ZNF536: variants seen among roughly 807,000 people sequenced by gnomAD.
The protein encoded by ZNF536 is zinc finger protein 536.
ZNF536 carries 13 observed loss-of-function variants against 84.5 expected under a neutral mutation model. The observed-to-expected ratio is 0.15, with a 90% confidence interval of 0.10 to 0.24. The LOEUF (loss-of-function observed/expected upper bound fraction) is 0.24, where lower values mean the gene tolerates loss of function less well. ZNF536 is among the 10% of genes least tolerant of loss of function. ZNF536 has a pLI of 1.00. For synonymous variants in ZNF536, 811 were observed against 742.5 expected, an observed-to-expected ratio of 1.09 and a Z score of -1.50; for missense variants, 1,536 against 1,747.5, an observed-to-expected ratio of 0.88 and a Z score of 2.16.
At chr19:30,557,065 C>T (rs947948074) in intron 4 of ZNF536, 92 bp from the exon 5 acceptor site, 62 of 1,361,770 alleles carry the variant, frequency 4.6e-5, no homozygotes, top group South Asian at 4.3e-4. Context: ...TTCCATTAAA[C>T]GATTAGGGGA....
intron 1 of ZNF536, among the ~76,000 whole-genome samples, chr19:30,257,206 C>G (rs962969427): frequency 6.6e-6 from 1 of 152,146 alleles, no homozygotes; most frequent in African/African-American, 2.4e-5. Flanking sequence ...TGAAATCTCC[C>G]TTTTGAAATT....
At chr19:30,712,786 A>C (rs775523998) in exon 2 of ZNF536, 13 of 152,214 alleles carry the variant, frequency 8.5e-5, no homozygotes, top group Non-Finnish European at 1.9e-4. Context: ...CTATGATCCT[A>C]GAGAAAGGAC....
intron 2 of ZNF536, among the ~76,000 whole-genome samples, chr19:30,330,934 G>A (rs1294460917): frequency 6.6e-6 from 1 of 152,072 alleles, no homozygotes; most frequent in Non-Finnish European, 1.5e-5. Context: ...AGGACTAGAG[G>A]TTTCAGTCCC....
intron 1 of ZNF536, among the ~76,000 whole-genome samples, chr19:30,629,672 A>ATG (rs1280944612): frequency 1.3e-5 from 2 of 152,240 alleles, no homozygotes; most frequent in African/African-American, 4.8e-5. Context: ...AAAGGGTGCT[A>ATG]TGACCTGTCC....
chr19:30,388,300 G>A (rs568937113), intron 1 of ZNF536, among the ~76,000 whole-genome samples: 1 of 152,280 alleles, frequency 6.6e-6, no homozygotes, highest in East Asian at 1.9e-4. Context: ...TGTTGAGGGA[G>A]GTCATGTGAC....
At chr19:30,494,082 A>C (rs2054618099) in intron 2 of ZNF536, among the ~76,000 whole-genome samples, 1 of 152,212 alleles carries the variant, frequency 6.6e-6, no homozygotes, top group African/African-American at 2.4e-5. Flanking sequence ...AATAATAATA[A>C]AACTTCCTTA....
intron 1 of ZNF536, among the ~76,000 whole-genome samples, chr19:30,572,844 C>T (rs2046600242): frequency 6.6e-6 from 1 of 152,118 alleles, no homozygotes; most frequent in African/African-American, 2.4e-5. Context: ...TGGAGAGAGA[C>T]TAGAGACAGT....
At chr19:30,261,297 CAAAAAA>C (rs66862950) in intron 1 of ZNF536, among the ~76,000 whole-genome samples, 1 of 23,574 alleles carries the variant, frequency 4.2e-5, no homozygotes, top group African/African-American at 1.5e-4. Flanking sequence ...GACTCCGTCT[CAAAAAA>C]AAAAAAAAAA....
intron 2 of ZNF536, among the ~76,000 whole-genome samples, chr19:30,461,277 C>T (rs1047054954): frequency 6.6e-6 from 1 of 152,170 alleles, no homozygotes; most frequent in Non-Finnish European, 1.5e-5. Context: ...TGTGACCTCA[C>T]GCCTTTTAAC....
chr19:30,275,027 G>A (rs929733624), intron 1 of ZNF536, among the ~76,000 whole-genome samples: 31 of 152,142 alleles, frequency 2.0e-4, no homozygotes, highest in African/African-American at 7.2e-4. Context: ...GGCCAGAATT[G>A]TCTTAGTTTT....
chr19:30,699,662 G>C (rs990373820), intron 1 of ZNF536, among the ~76,000 whole-genome samples: 1 of 152,140 alleles, frequency 6.6e-6, no homozygotes, highest in African/African-American at 2.4e-5. Context: ...TGGGCCTAGT[G>C]ATTCTTTATG....
chr19:30,436,949 T>C (rs115507266), intron 1 of ZNF536, among the ~76,000 whole-genome samples: 269 of 152,304 alleles, frequency 1.8e-3, no homozygotes, highest in African/African-American at 6.2e-3. Context: ...GCTTCCGAGG[T>C]AGCAGTTTCA....
chr19:30,475,323 A>G (rs899622401), intron 2 of ZNF536, among the ~76,000 whole-genome samples: 2 of 152,118 alleles, frequency 1.3e-5, no homozygotes, highest in East Asian at 3.9e-4. Context: ...TAACATAGCC[A>G]CTGGTCATGG....
intron 1 of ZNF536, among the ~76,000 whole-genome samples, chr19:30,617,333 C>CCTTTTTT (rs869192494): frequency 2.1e-4 from 8 of 37,714 alleles, no homozygotes; most frequent in Non-Finnish European, 4.1e-4. Flanking sequence ...GAATAGCTTA[C>CCTTTTTT]TTTTTTTTTT....
intron 1 of ZNF536, among the ~76,000 whole-genome samples, chr19:30,649,998 A>G (rs965861728): frequency 3.3e-5 from 5 of 152,216 alleles, no homozygotes; most frequent in Admixed American, 1.3e-4. Context: ...TCAACTGACC[A>G]GAAATTATTT....
intron 1 of ZNF536, among the ~76,000 whole-genome samples, chr19:30,585,121 A>AAAAAAG (rs983941602): frequency 1.3e-5 from 2 of 152,226 alleles, no homozygotes; most frequent in South Asian, 2.1e-4. Context: ...CACTCAAAAA[A>AAAAAAG]AAAAAGAAAA....
At chr19:30,344,710 G>A (rs757089489) in intron 2 of ZNF536, among the ~76,000 whole-genome samples, 6 of 152,086 alleles carry the variant, frequency 3.9e-5, no homozygotes, top group South Asian at 4.2e-4. Context: ...TGGTGGCCTC[G>A]GGGATTCAGG....
In ZNF536 at chr19:30,360,102, G is replaced by A. The variant is rs2048226612; in HGVS notation, c.-3+7618G>A. Among the ~76,000 whole-genome samples the A allele has an allele frequency of 1.3e-5, 2 of 152,210 alleles. 1 individual carries two copies. The highest frequency in any genetic ancestry group is 4.1e-4 in the South Asian group (2 of 4,828). On this transcript the variant is annotated intron_variant, in intron 3 of 5. Transcript: ENST00000585628. ...AAGCAGGTGGCCCAGCATCTTCAGAGCTGGGGGAGGAGATCGGGGCAGGCC... is the reference window on the plus strand; with the variant it reads ...AAGCAGGTGGCCCAGCATCTTCAGAACTGGGGGAGGAGATCGGGGCAGGCC...
intron 1 of ZNF536, among the ~76,000 whole-genome samples, chr19:30,662,608 G>A (rs1347064085): frequency 6.6e-6 from 1 of 151,878 alleles, no homozygotes; most frequent in Non-Finnish European, 1.5e-5. Context: ...CATGAACTAC[G>A]ATAATACCTG....
Sources: allele counts gnomAD v4.1 joint callset (sites outside exome capture counted in the v4.1 genomes callset), GRCh38; gene constraint gnomAD v4.1.1; transcripts MANE v1.5; gene names NCBI Gene and HGNC (gene_info 2026-07-23, HGNC 2026-07-21).